Variants in DYNLRB1 observed in about 807,000 individuals in gnomAD.
DYNLRB1 encodes the protein dynein light chain roadblock-type 1.
In DYNLRB1, 6 loss-of-function variants were observed where a neutral mutation model predicts 13.5. That is an observed-to-expected ratio of 0.44 (90% confidence interval 0.24 to 0.88). The LOEUF is 0.88. Ranked by LOEUF, DYNLRB1 falls within the 40% of genes least tolerant of loss-of-function variation. DYNLRB1 has a pLI of 0.21. For missense variants in DYNLRB1, 93 were observed against 127.2 expected, an observed-to-expected ratio of 0.73 and a Z score of 1.29; for synonymous variants, 43 against 45.0, an observed-to-expected ratio of 0.96 and a Z score of 0.18.
intron 1 of DYNLRB1, among the ~76,000 whole-genome samples, chr20:34,521,369 C>T (rs1481457380): frequency 6.6e-6 from 1 of 151,868 alleles, no homozygotes; most frequent in South Asian, 2.1e-4. Context: ...TGTAATTTCT[C>T]GTAGGCATAT....
chr20:34,534,966 T>TA, intron 3 of DYNLRB1, 171 bp downstream of exon 3: 1 of 1,469,704 alleles, frequency 6.8e-7, no homozygotes, highest in South Asian at 1.4e-5. Flanking sequence ...TGGTGTCCCA[T>TA]AGCAGATCCT....
upstream of DYNLRB1, chr20:34,516,338 C>T (rs1413522037): frequency 6.9e-7 from 1 of 1,450,216 alleles, no homozygotes; most frequent in Non-Finnish European, 9.2e-7. Context: ...CCGCCCCCGC[C>T]TCACGCTGGC....
intron 1 of DYNLRB1, 159 bp downstream of exon 1, chr20:34,516,620 C>T (rs1979212777): frequency 1.0e-5 from 15 of 1,497,164 alleles, no homozygotes; most frequent in Middle Eastern, 2.4e-4. Context: ...GGGTGGAACC[C>T]GGCGGCGGAG....
intron 1 of DYNLRB1, among the ~76,000 whole-genome samples, chr20:34,517,627 CTTTTTTTTT>C (rs60155819): frequency 8.3e-6 from 1 of 120,408 alleles, no homozygotes. Context: ...TTCATTATTT[CTTTTTTTTT>C]TTTTTTTTTT....
At chr20:34,522,827 G>C (rs1456796359) in intron 1 of DYNLRB1, among the ~76,000 whole-genome samples, 1 of 152,160 alleles carries the variant, frequency 6.6e-6, no homozygotes, top group Non-Finnish European at 1.5e-5. Context: ...TTGAGTTTCA[G>C]ATCACCTAAA....
At chr20:34,516,500 A>ACCACC (rs766204456) in intron 1 of DYNLRB1, 39 bp downstream of exon 1, 69 of 1,607,778 alleles carry the variant, frequency 4.3e-5, no homozygotes, top group Non-Finnish European at 5.6e-5. Flanking sequence ...GCGGCCGCCC[A>ACCACC]CCACCCCACG....
chr20:34,517,105 C>G (rs117744190), intron 1 of DYNLRB1, among the ~76,000 whole-genome samples: 2,897 of 152,256 alleles, frequency 0.019, 268 homozygotes, highest in Admixed American at 0.15. Flanking sequence ...ACCTTGCTTG[C>G]TGCAGCTGTG....
chr20:34,520,707 C>T (rs1438694955), intron 1 of DYNLRB1, among the ~76,000 whole-genome samples: 1 of 152,172 alleles, frequency 6.6e-6, no homozygotes, highest in Admixed American at 6.5e-5. Flanking sequence ...CCTCAGCCTC[C>T]CAAAGTGCCA....
At chr20:34,532,678 C>T (rs981402108) in intron 2 of DYNLRB1, among the ~76,000 whole-genome samples, 2 of 152,222 alleles carry the variant, frequency 1.3e-5, no homozygotes, top group African/African-American at 4.8e-5. Context: ...CATCCAGGAG[C>T]CAGCAGCAAC....
At chr20:34,535,335 A>G (rs966090605) in intron 3 of DYNLRB1, 4 of 985,470 alleles carry the variant, frequency 4.1e-6, no homozygotes, top group African/African-American at 3.5e-5. Context: ...TAGGCCCCTT[A>G]CAGCCAGCTT....
intron 3 of DYNLRB1, chr20:34,535,169 G>C (rs1981044550): frequency 3.0e-6 from 3 of 985,220 alleles, no homozygotes; most frequent in African/African-American, 1.7e-5. Flanking sequence ...TGAATCTTAA[G>C]GGCACCAGGA....
intron 1 of DYNLRB1, among the ~76,000 whole-genome samples, chr20:34,519,200 G>A (rs1979513828): frequency 6.6e-6 from 1 of 152,132 alleles, no homozygotes; most frequent in African/African-American, 2.4e-5. Flanking sequence ...GGGATTATGG[G>A]CGTAAACCAC....
chr20:34,520,251 T>C (rs558755263), intron 1 of DYNLRB1, among the ~76,000 whole-genome samples: 1 of 152,382 alleles, frequency 6.6e-6, no homozygotes, highest in Middle Eastern at 3.4e-3. Context: ...TATGCATATT[T>C]TCCAAGATAA....
chr20:34,532,623 A>G (rs1216911119), intron 2 of DYNLRB1, among the ~76,000 whole-genome samples: 1 of 152,170 alleles, frequency 6.6e-6, no homozygotes, highest in Admixed American at 6.5e-5. Context: ...GGAAGCTTCA[A>G]CTGTAGAGCA....
chr20:34,515,835 C>A (rs1353830771), upstream of DYNLRB1, among the ~76,000 whole-genome samples: 1 of 152,144 alleles, frequency 6.6e-6, no homozygotes, highest in Non-Finnish European at 1.5e-5. Flanking sequence ...CTGAAAGCCT[C>A]TTCCGATACC....
chr20:34,536,181 A>G (rs928789928), intron 3 of DYNLRB1: 2 of 985,456 alleles, frequency 2.0e-6, no homozygotes, highest in Non-Finnish European at 2.4e-6. Flanking sequence ...TGCCTGATCC[A>G]TCGGGGAGAA....
intron 1 of DYNLRB1, chr20:34,516,803 G>A: frequency 1.3e-6 from 2 of 1,550,224 alleles, no homozygotes; most frequent in East Asian, 2.4e-5. Context: ...TTTCCCGGGA[G>A]CTCAGTTTGT....
chr20:34,518,638 G>A (rs6142188), intron 1 of DYNLRB1, among the ~76,000 whole-genome samples: 2 of 150,780 alleles, frequency 1.3e-5, no homozygotes, highest in Non-Finnish European at 2.9e-5. Context: ...TTTTTTTGTA[G>A]AGTTGGGGTT....
chr20:34,538,160 G>T (rs1310348721), intron 3 of DYNLRB1, among the ~76,000 whole-genome samples: 1 of 145,244 alleles, frequency 6.9e-6, no homozygotes. Flanking sequence ...TAGAGACAGG[G>T]TTTCACTATG....
Sources: gnomAD v4.1 joint callset for allele counts (sites outside exome capture counted in the v4.1 genomes callset) on GRCh38, gnomAD v4.1.1 for gene constraint, MANE v1.5 for transcripts, NCBI Gene and HGNC (gene_info 2026-07-23, HGNC 2026-07-21) for gene names.